LNP1: variants seen among roughly 807,000 people sequenced by gnomAD.
LNP1 encodes the protein leukemia NUP98 fusion partner 1.
Under a neutral mutation model 14.5 loss-of-function variants are expected in LNP1, and 12 were observed. The ratio of observed to expected loss-of-function variants is 0.83; its 90% CI spans 0.53 to 1.34. The LOEUF (loss-of-function observed/expected upper bound fraction) is 1.34. LNP1 is among the 40% of genes most tolerant of loss of function. The pLI is 0.00. For missense variants in LNP1, 198 were observed against 210.9 expected (o/e 0.94, Z 0.38); for synonymous variants, 75 against 71.4 (o/e 1.05, Z -0.26).
At chr3:100,423,325 A>T (rs897976961) in intron 1 of LNP1, among the ~76,000 whole-genome samples, 5 of 152,168 alleles carry the variant, frequency 3.3e-5, no homozygotes, top group Non-Finnish European at 1.5e-5. Context: ...ATAAGTTACT[A>T]CTGCAACAAC....
intron 1 of LNP1, among the ~76,000 whole-genome samples, chr3:100,414,877 C>T (rs1447916545): frequency 6.6e-6 from 1 of 152,140 alleles, no homozygotes; most frequent in African/African-American, 2.4e-5. Flanking sequence ...AACCTGTGTT[C>T]AGAATTCTAA....
chr3:100,451,931 C>A lies in LNP1; in HGVS notation c.369C>A (p.Thr123=). The A allele has an allele frequency of 6.2e-7, 1 of 1,612,156 alleles. No individual in the cohort carries two copies. Among genetic ancestry groups the A allele is most frequent in the African/African-American group, 1.3e-5 (1 of 74,890 alleles). The change falls in exon 3 of 4, where the codon ACC becomes ACA. Residue 123 remains threonine (T), a synonymous_variant. Coordinates refer to ENST00000383693, the MANE Select transcript of LNP1 (RefSeq NM_001085451.2). ...ESFERQLCFR[T]KRSASLGPES... ...TTGAACGGCAACTGTGCTTTAGAAC[C>A]AAGCGTTCTGCCTCTTTGGTATGTA...
intron 2 of LNP1, among the ~76,000 whole-genome samples, chr3:100,447,902 G>T (rs1707403584): frequency 6.6e-6 from 1 of 151,952 alleles, no homozygotes; most frequent in Non-Finnish European, 1.5e-5. Flanking sequence ...GACAAAAATT[G>T]TTCTTCTTTT....
rs76388339 is a variant in LNP1, at chr3:100,444,203, C to A, written c.157-7516C>A. The stretch of plus-strand genomic sequence containing the variant: ...AAGAGTTTTATAGCTGATTATAAAA[C>A]CACCTCCTAAAGAGGATCAACACAA... On this transcript the variant is annotated intron_variant, in intron 2 of 3. Transcript: ENST00000383693. Among the ~76,000 whole-genome samples, 71 of 152,206 alleles carry A rather than the reference C, an allele frequency of 4.7e-4. No homozygotes were observed. In the East Asian group the frequency reaches 0.014, roughly 29 times the overall value.
chr3:100,406,165 A>G (rs1216736207), intron 1 of LNP1, among the ~76,000 whole-genome samples: 1 of 152,096 alleles, frequency 6.6e-6, no homozygotes, highest in East Asian at 1.9e-4. Context: ...ACATGCCTGT[A>G]ATCCCAGCTA....
At position 100,456,073 on chromosome 3, in the gene LNP1, T is replaced by A; in HGVS notation, c.*147T>A. On this transcript the variant is annotated 3_prime_UTR_variant, in exon 4 of 4. Coordinates refer to ENST00000383693, the MANE Select transcript of LNP1 (RefSeq NM_001085451.2). ...AACTGCAGATGCTGACTGACTGCAG[T>A]GGGCAGGGTATGTAGCTGCTCCAAG... The A allele has an allele frequency of 2.7e-6, 2 of 752,894 alleles. No homozygotes were observed. Among genetic ancestry groups the A allele is most frequent in the Non-Finnish European group, 4.4e-6 (2 of 457,048 alleles). The allele number at this position is 752,894 out of a possible 1,614,324, so 46.6% of individuals were successfully genotyped here.
In LNP1 at chr3:100,455,883, G is replaced by A; in HGVS notation, c.494G>A (p.Gly165Glu). Residue 165 changes from glycine to glutamate, a missense_variant, in exon 4 of 4, where the codon GGA (glycine) becomes GAA (glutamate). Transcript: ENST00000383693. ...AGGAGCTCTAGGAAAGAAGAGCATG[G>A]AGAAGCACACATGGCTCCCCTGTTT... is the stretch of plus-strand genomic sequence containing the variant. ...EERSSRKEEH[G>E]EAHMAPLFEK... 2 of 1,614,022 alleles carry A rather than the reference G, an allele frequency of 1.2e-6. No homozygotes were observed. The highest frequency in any genetic ancestry group is 1.7e-6 in the Non-Finnish European group (2 of 1,179,942).
intron 2 of LNP1, among the ~76,000 whole-genome samples, chr3:100,446,989 A>G (rs545917548): frequency 6.6e-6 from 1 of 151,312 alleles, no homozygotes; most frequent in Non-Finnish European, 1.5e-5. Context: ...GAATGCTTTT[A>G]CACTGTTGGT....
intron 1 of LNP1, among the ~76,000 whole-genome samples, chr3:100,420,556 A>G (rs1707134241): frequency 6.6e-6 from 1 of 152,084 alleles, no homozygotes; most frequent in African/African-American, 2.4e-5. Flanking sequence ...GGCTCAAGTG[A>G]TCCTCATATC....
Position 100,428,408 on chromosome 3 carries a change from C to T in LNP1, c.-33-1289C>T, listed in dbSNP as rs576773704. On this transcript the variant is annotated intron_variant, in intron 1 of 3. Coordinates refer to ENST00000383693, the MANE Select transcript of LNP1 (RefSeq NM_001085451.2). ...TTAGCTGGGCTTGGTGGTGGGTGCC[C>T]GTAATCCCAGCTACTTGGGAGCCTG... Among the ~76,000 whole-genome samples, 7 of 151,402 alleles carry T rather than the reference C, an allele frequency of 4.6e-5. No homozygotes were observed. The East Asian group carries it at 5.9e-4, about 13-fold the overall frequency.
At chr3:100,413,763 G>A (rs1423218194) in intron 1 of LNP1, among the ~76,000 whole-genome samples, 1 of 152,200 alleles carries the variant, frequency 6.6e-6, no homozygotes. Context: ...CCTGGAGAAA[G>A]GTGCTTCTTT....
chr3:100,456,000 A>G lies in LNP1; in HGVS notation c.*74A>G. The G allele has an allele frequency of 6.6e-7, 1 of 1,508,190 alleles. No homozygotes were observed. Among genetic ancestry groups the G allele is most frequent in the Non-Finnish European group, 9.0e-7 (1 of 1,116,642 alleles). 93.4% of individuals were successfully genotyped at this position (1,508,190 alleles called of 1,614,324 possible). A position where few individuals can be genotyped will look rare whatever the true frequency, so the allele number is the denominator to read the frequency against. ...TCTTTGAGCCCCAATTCACCATTTC[A>G]GGATGTGGATGGGGGCGGGGTTGGG... is the stretch of plus-strand genomic sequence containing the variant. On this transcript the variant is annotated 3_prime_UTR_variant, in exon 4 of 4. Coordinates refer to ENST00000383693, the MANE Select transcript of LNP1 (RefSeq NM_001085451.2).
At chr3:100,420,254 T>G (rs1364555978) in intron 1 of LNP1, among the ~76,000 whole-genome samples, 3 of 152,206 alleles carry the variant, frequency 2.0e-5, no homozygotes, top group Non-Finnish European at 2.9e-5. Context: ...TGAAATGTCT[T>G]TGATGTCATT....
At chr3:100,434,467 G>A (rs958179958) in intron 2 of LNP1, among the ~76,000 whole-genome samples, 1 of 151,518 alleles carries the variant, frequency 6.6e-6, no homozygotes, top group Admixed American at 6.6e-5. Flanking sequence ...TGCTGTTTTG[G>A]TTACTGTAGC....
chr3:100,422,385 G>A (rs973354991), intron 1 of LNP1, among the ~76,000 whole-genome samples: 1 of 151,912 alleles, frequency 6.6e-6, no homozygotes, highest in Non-Finnish European at 1.5e-5. Flanking sequence ...GGGTTTCACT[G>A]TGTTAGCCAG....
intron 1 of LNP1, among the ~76,000 whole-genome samples, chr3:100,427,743 G>A (rs1426460248): frequency 6.6e-6 from 1 of 152,088 alleles, no homozygotes; most frequent in Non-Finnish European, 1.5e-5. Flanking sequence ...AGGCATATGG[G>A]GTACAGTCTG....
intron 2 of LNP1, among the ~76,000 whole-genome samples, chr3:100,433,205 C>T (rs1195707170): frequency 6.6e-6 from 1 of 152,130 alleles, no homozygotes; most frequent in East Asian, 1.9e-4. Context: ...TCCTAATGCT[C>T]TCCCTCTCCT....
chr3:100,446,427 G>T (rs368348677), intron 2 of LNP1, among the ~76,000 whole-genome samples: 2 of 151,984 alleles, frequency 1.3e-5, no homozygotes, highest in African/African-American at 2.4e-5. Context: ...ATCCCTTCCT[G>T]ACACCTTATA....
intron 2 of LNP1, among the ~76,000 whole-genome samples, chr3:100,449,545 A>G (rs1184648932): frequency 4.6e-5 from 7 of 152,236 alleles, no homozygotes; most frequent in Non-Finnish European, 8.8e-5. Context: ...GAGAAAGGAG[A>G]GACAGCAGAA....
Sources: gnomAD v4.1 joint callset for allele counts (sites outside exome capture counted in the v4.1 genomes callset) on GRCh38, gnomAD v4.1.1 for gene constraint, MANE v1.5 for transcripts, NCBI Gene and HGNC (gene_info 2026-07-23, HGNC 2026-07-21) for gene names.